Variants in CEP112 observed in about 807,000 individuals in gnomAD.
CEP112 encodes centrosomal protein 112.
CEP112 carries 127 observed loss-of-function variants against 153.0 expected under a neutral mutation model. That is an observed-to-expected ratio of 0.83 (90% CI 0.72 to 0.96). The LOEUF (loss-of-function observed/expected upper bound fraction) is 0.96. Ranked by LOEUF, CEP112 falls within the 40% of genes least tolerant of loss-of-function variation. The pLI, the probability that CEP112 is intolerant of heterozygous loss-of-function variation, is 0.00. For synonymous variants in CEP112, 358 were observed against 374.4 expected (o/e 0.96, Z 0.51); for missense variants, 1,089 against 1,101.2 (o/e 0.99, Z 0.16).
chr17:66,146,474 T>TA (rs1280876896), intron 4 of CEP112, among the ~76,000 whole-genome samples: 1 of 152,114 alleles, frequency 6.6e-6, no homozygotes, highest in Non-Finnish European at 1.5e-5. Flanking sequence ...GATATTATTA[T>TA]ATCTTCTTTT....
intron 24 of CEP112, among the ~76,000 whole-genome samples, chr17:65,674,495 C>A (rs552900061): frequency 1.3e-5 from 2 of 152,130 alleles, no homozygotes; most frequent in Non-Finnish European, 2.9e-5. Context: ...GTTTCACACA[C>A]AAAAAATCCA....
intron 20 of CEP112, among the ~76,000 whole-genome samples, chr17:65,894,675 T>G (rs958598075): frequency 1.3e-5 from 2 of 152,086 alleles, no homozygotes; most frequent in African/African-American, 4.8e-5. Context: ...TCCTACGCTG[T>G]TTTTATCAAG....
chr17:65,947,224 C>A lies in CEP112; in HGVS notation c.1872+14239G>T, dbSNP rs80033627. 2.3e-4 allele frequency among the ~76,000 whole-genome samples: 35 copies of A among 149,484 alleles called. No homozygotes were observed. In the East Asian group the frequency reaches 7.2e-3, roughly 31 times the overall value. On this transcript the variant is annotated intron_variant, in intron 18 of 26. Transcript: ENST00000535342. ...CCGTGCTCTCTTAATGACCTGTGAA[C>A]TCCACTAGTTACACCTTCTATTATA...
intron 18 of CEP112, among the ~76,000 whole-genome samples, chr17:65,940,376 C>T (rs1384935015): frequency 1.3e-5 from 2 of 152,118 alleles, no homozygotes; most frequent in African/African-American, 4.8e-5. Context: ...ATCCAGCAGT[C>T]CCACTACTCA....
chr17:65,665,843 G>C (rs2046663931), intron 24 of CEP112, among the ~76,000 whole-genome samples: 1 of 152,100 alleles, frequency 6.6e-6, no homozygotes, highest in East Asian at 1.9e-4. Context: ...CCTAGACTTT[G>C]TACCCTATGA....
chr17:66,087,946 C>T (rs528762736), intron 8 of CEP112, among the ~76,000 whole-genome samples: 1 of 152,124 alleles, frequency 6.6e-6, no homozygotes, highest in Non-Finnish European at 1.5e-5. Flanking sequence ...GCCAGTACCC[C>T]AGGACTGACC....
intron 4 of CEP112, among the ~76,000 whole-genome samples, chr17:66,153,322 G>A (rs2071286313): frequency 6.6e-6 from 1 of 151,908 alleles, no homozygotes; most frequent in Non-Finnish European, 1.5e-5. Flanking sequence ...ACAAAATGTG[G>A]TATACTCATC....
chr17:66,183,073 T>C, intron 2 of CEP112, 121 bp downstream of exon 2: 2 of 645,320 alleles, frequency 3.1e-6, no homozygotes, highest in African/African-American at 3.7e-5. Flanking sequence ...CCTATGTCAA[T>C]GGCAAAAATT....
At chr17:66,006,887 A>C (rs558504805) in intron 16 of CEP112, among the ~76,000 whole-genome samples, 5 of 152,218 alleles carry the variant, frequency 3.3e-5, no homozygotes, top group Non-Finnish European at 7.3e-5. Context: ...CGAGTGGCCA[A>C]CAGGTTTAAG....
chr17:65,815,963 G>A (rs769953665), intron 21 of CEP112, among the ~76,000 whole-genome samples: 2 of 151,878 alleles, frequency 1.3e-5, no homozygotes, highest in Non-Finnish European at 2.9e-5. Flanking sequence ...TGATTTGTAT[G>A]CCTTTTATTT....
At chr17:65,853,752 C>T (rs957029382) in intron 20 of CEP112, among the ~76,000 whole-genome samples, 10 of 151,848 alleles carry the variant, frequency 6.6e-5, no homozygotes, top group Non-Finnish European at 1.3e-4. Flanking sequence ...ATTCTATTTC[C>T]GGTTCTGTGT....
chr17:66,011,900 C>T (rs2064544542), intron 16 of CEP112, among the ~76,000 whole-genome samples: 1 of 152,070 alleles, frequency 6.6e-6, no homozygotes, highest in South Asian at 2.1e-4. Context: ...AGTCTGGGTG[C>T]TCCTGTATTG....
chr17:65,897,799 A>G (rs1213650433), intron 20 of CEP112, among the ~76,000 whole-genome samples: 1 of 152,072 alleles, frequency 6.6e-6, no homozygotes, highest in African/African-American at 2.4e-5. Flanking sequence ...AAGTTTCCCC[A>G]CCAGATTTTA....
At chr17:65,751,929 C>T (rs925884669) in intron 21 of CEP112, among the ~76,000 whole-genome samples, 8 of 152,014 alleles carry the variant, frequency 5.3e-5, no homozygotes, top group African/African-American at 1.7e-4. Flanking sequence ...GAGAGCACTG[C>T]GTCATGCCTT....
At chr17:66,165,368 C>T (rs1329824979) in intron 4 of CEP112, among the ~76,000 whole-genome samples, 1 of 152,140 alleles carries the variant, frequency 6.6e-6, no homozygotes, top group African/African-American at 2.4e-5. Flanking sequence ...GACAGTGCCG[C>T]CTATAGAACA....
At chr17:66,049,343 T>A (rs1598225856) in intron 12 of CEP112, among the ~76,000 whole-genome samples, 1 of 152,228 alleles carries the variant, frequency 6.6e-6, no homozygotes, top group Non-Finnish European at 1.5e-5. Flanking sequence ...TATAATAATA[T>A]TATCACCTAT....
intron 11 of CEP112, among the ~76,000 whole-genome samples, 172 bp from the exon 12 acceptor site, chr17:66,054,051 G>A (rs953887149): frequency 3.3e-5 from 5 of 152,064 alleles, no homozygotes; most frequent in African/African-American, 9.7e-5. Flanking sequence ...CATATAAAAA[G>A]CAGGATCAAG....
chr17:65,750,980 GAGAC>G (rs1472518287), intron 21 of CEP112: 5 of 398,412 alleles, frequency 1.3e-5, no homozygotes, highest in Non-Finnish European at 2.2e-5. Context: ...GGGAGAAAGA[GAGAC>G]AGAAATAGAC....
chr17:65,956,401 T>TACACACACACAC (rs1189137970), intron 18 of CEP112, among the ~76,000 whole-genome samples: 1 of 76,658 alleles, frequency 1.3e-5, no homozygotes, highest in Non-Finnish European at 2.8e-5. Context: ...TATATATACA[T>TACACACACACAC]ACATACATAC....
Sources: allele counts gnomAD v4.1 joint callset (sites outside exome capture counted in the v4.1 genomes callset), GRCh38; gene constraint gnomAD v4.1.1; transcripts MANE v1.5; gene names NCBI Gene and HGNC (gene_info 2026-07-23, HGNC 2026-07-21).